Variants in EFCAB5 observed in about 807,000 individuals in gnomAD.
EFCAB5 encodes EF-hand calcium-binding domain-containing protein 5.
EFCAB5 carries 131 observed loss-of-function variants against 167.9 expected under a neutral mutation model. The observed-to-expected ratio is 0.78, with a 90% confidence interval of 0.68 to 0.90. The LOEUF (loss-of-function observed/expected upper bound fraction) is 0.90, where lower values mean the gene tolerates loss of function less well. Among genes scored for constraint, EFCAB5 ranks in the 40% least tolerant of loss-of-function variants. The pLI, the probability that EFCAB5 is intolerant of heterozygous loss-of-function variation, is 0.00. For synonymous variants in EFCAB5, 574 were observed against 602.8 expected, an observed-to-expected ratio of 0.95 and a Z score of 0.70; for missense variants, 1,663 against 1,745.2, an observed-to-expected ratio of 0.95 and a Z score of 0.84.
chr17:30,106,757 G>A (rs532719658), intron 22 of EFCAB5, among the ~76,000 whole-genome samples: 26 of 152,136 alleles, frequency 1.7e-4, no homozygotes, highest in Admixed American at 1.1e-3. Context: ...GTGCCCAGCC[G>A]GTAGTTAATA....
chr17:30,067,635 AT>A (rs1384670523), intron 14 of EFCAB5, among the ~76,000 whole-genome samples: 1 of 152,208 alleles, frequency 6.6e-6, no homozygotes, highest in African/African-American at 2.4e-5. Context: ...AATATTCAAT[AT>A]TCCTTCATGA....
intron 7 of EFCAB5, among the ~76,000 whole-genome samples, chr17:30,006,373 T>C (rs1314330241): frequency 6.6e-6 from 1 of 152,190 alleles, no homozygotes; most frequent in Non-Finnish European, 1.5e-5. Flanking sequence ...GAAGATTCTC[T>C]TCTTCCCAAA....
chr17:30,029,562 T>A (rs982842148), intron 7 of EFCAB5, among the ~76,000 whole-genome samples: 42 of 138,880 alleles, frequency 3.0e-4, no homozygotes, highest in Non-Finnish European at 3.2e-4. Flanking sequence ...AGCACTAATC[T>A]TTTTTTTTTT....
At chr17:30,059,129 C>G (rs2070355268) in intron 13 of EFCAB5, 1 of 152,112 alleles carries the variant, frequency 6.6e-6, no homozygotes, top group South Asian at 2.1e-4. Flanking sequence ...TCTGATAACC[C>G]CCTACCATGG....
chr17:30,018,289 AAGAAAAC>A (rs1474781641), intron 7 of EFCAB5, among the ~76,000 whole-genome samples: 2 of 152,124 alleles, frequency 1.3e-5, no homozygotes, highest in Non-Finnish European at 1.5e-5. Flanking sequence ...ACTGGAAAAA[AAGAAAAC>A]AGAAAACAGA....
At chr17:30,021,060 G>T (rs1387387361) in intron 7 of EFCAB5, among the ~76,000 whole-genome samples, 1 of 152,014 alleles carries the variant, frequency 6.6e-6, no homozygotes, top group Non-Finnish European at 1.5e-5. Flanking sequence ...AAGCAGAAAG[G>T]CTTTCCAGGA....
intron 18 of EFCAB5, among the ~76,000 whole-genome samples, chr17:30,083,601 T>C (rs1291077792): frequency 6.6e-6 from 1 of 152,188 alleles, no homozygotes; most frequent in African/African-American, 2.4e-5. Context: ...ATTACAGGCA[T>C]GCGCCACCAC....
At chr17:30,077,171 G>A (rs2070884577) in intron 14 of EFCAB5, among the ~76,000 whole-genome samples, 2 of 152,040 alleles carry the variant, frequency 1.3e-5, no homozygotes, top group African/African-American at 4.8e-5. Flanking sequence ...GCATAGTGGT[G>A]CACATCTGTA....
intron 4 of EFCAB5, among the ~76,000 whole-genome samples, chr17:29,984,384 G>A (rs190245628): frequency 6.6e-6 from 1 of 151,840 alleles, no homozygotes; most frequent in Admixed American, 6.6e-5. Context: ...TAGAGATTTG[G>A]TTGGTTAGCA....
At chr17:30,096,677 A>ATATATTTTTTTTTTTTT (rs1193558323) in intron 22 of EFCAB5, among the ~76,000 whole-genome samples, 1 of 60,122 alleles carries the variant, frequency 1.7e-5, no homozygotes, top group Non-Finnish European at 2.8e-5. Flanking sequence ...ATATATATAT[A>ATATATTTTTTTTTTTTT]TTTTTTTTTT....
intron 7 of EFCAB5, among the ~76,000 whole-genome samples, chr17:30,000,530 T>C (rs2068639775): frequency 6.6e-6 from 1 of 152,230 alleles, no homozygotes; most frequent in Admixed American, 6.5e-5. Context: ...AATTTAATGG[T>C]ACTAGAGTCC....
chr17:29,954,746 G>A (rs117832939), intron 3 of EFCAB5, among the ~76,000 whole-genome samples: 328 of 152,258 alleles, frequency 2.2e-3, no homozygotes, highest in Middle Eastern at 6.8e-3. Flanking sequence ...TAGATTCACC[G>A]ACAGCTTGCA....
At chr17:29,944,041 T>G (rs938201951) in intron 3 of EFCAB5, among the ~76,000 whole-genome samples, 1 of 152,112 alleles carries the variant, frequency 6.6e-6, no homozygotes, top group Non-Finnish European at 1.5e-5. Context: ...TTCTTCAAGA[T>G]TTTGCATTTT....
At chr17:29,993,931 C>A (rs897176407) in intron 5 of EFCAB5, among the ~76,000 whole-genome samples, 1 of 151,112 alleles carries the variant, frequency 6.6e-6, no homozygotes, top group Admixed American at 6.6e-5. Flanking sequence ...CCAGCCTAGG[C>A]AATATAGGGA....
At chr17:30,107,305 A>C (rs2071461415) in intron 22 of EFCAB5, among the ~76,000 whole-genome samples, 1 of 152,232 alleles carries the variant, frequency 6.6e-6, no homozygotes, top group Non-Finnish European at 1.5e-5. Context: ...GTCATTATGA[A>C]GCTATATTCT....
intron 22 of EFCAB5, among the ~76,000 whole-genome samples, chr17:30,097,026 A>ATATACG (rs2071307542): frequency 8.4e-6 from 1 of 118,356 alleles, no homozygotes; most frequent in African/African-American, 4.0e-5. Flanking sequence ...ATACATATAC[A>ATATACG]TATACATATA....
At chr17:29,944,249 A>AT (rs1323677990) in intron 3 of EFCAB5, among the ~76,000 whole-genome samples, 1 of 151,484 alleles carries the variant, frequency 6.6e-6, no homozygotes, top group African/African-American at 2.4e-5. Context: ...CTAGTTTTTT[A>AT]TTTTTTATTT....
intron 7 of EFCAB5, among the ~76,000 whole-genome samples, chr17:30,020,571 T>C (rs1254724320): frequency 6.6e-6 from 1 of 151,984 alleles, no homozygotes; most frequent in Non-Finnish European, 1.5e-5. Context: ...GCCAGGCTGG[T>C]CTCAAACTCC....
intron 22 of EFCAB5, 104 bp from the exon 23 acceptor site, chr17:30,107,730 C>CA: frequency 9.4e-7 from 1 of 1,060,094 alleles, no homozygotes; most frequent in Non-Finnish European, 1.2e-6. Context: ...GGTTTTGACT[C>CA]AAAACATATC....
Sources: allele counts gnomAD v4.1 joint callset (sites outside exome capture counted in the v4.1 genomes callset), GRCh38; gene constraint gnomAD v4.1.1; transcripts MANE v1.5; gene names NCBI Gene and HGNC (gene_info 2026-07-23, HGNC 2026-07-21).